Variants in WSCD1 observed in about 807,000 individuals in gnomAD.
WSCD1 encodes the protein sialate:O-sulfotransferase 1.
Under a neutral mutation model 60.4 loss-of-function variants are expected in WSCD1, and 41 were observed. The ratio of observed to expected loss-of-function variants is 0.68; its 90% CI spans 0.53 to 0.88. The LOEUF (loss-of-function observed/expected upper bound fraction) is 0.88, where lower values mean the gene tolerates loss of function less well. Ranked by LOEUF, WSCD1 falls within the 40% of genes least tolerant of loss-of-function variation. The probability of loss-of-function intolerance (pLI) is 0.00; values close to 1 mark genes in which losing one functional copy is unlikely to be tolerated. For synonymous variants in WSCD1, 361 were observed against 332.5 expected (o/e 1.09, Z -0.93); for missense variants, 784 against 796.2 (o/e 0.98, Z 0.18).
intron 7 of WSCD1, among the ~76,000 whole-genome samples, chr17:6,111,722 AAAG>A (rs1327428618): frequency 2.6e-5 from 4 of 151,160 alleles, no homozygotes; most frequent in African/African-American, 7.3e-5. Flanking sequence ...AAAAAAAAAA[AAAG>A]AGCAAGGAAA....
intron 5 of WSCD1, among the ~76,000 whole-genome samples, chr17:6,096,278 C>G (rs1910420059): frequency 6.6e-6 from 1 of 152,108 alleles, no homozygotes; most frequent in Non-Finnish European, 1.5e-5. Context: ...TCAGGTAGCT[C>G]CATAGTCTGC....
At chr17:6,104,162 G>C (rs1910960031) in intron 5 of WSCD1, among the ~76,000 whole-genome samples, 1 of 152,066 alleles carries the variant, frequency 6.6e-6, no homozygotes, top group Non-Finnish European at 1.5e-5. Context: ...GAGGTGCCAG[G>C]CTCCTATAAA....
intron 5 of WSCD1, among the ~76,000 whole-genome samples, chr17:6,100,789 T>TA (rs979746021): frequency 1.3e-5 from 2 of 152,120 alleles, no homozygotes; most frequent in African/African-American, 4.8e-5. Flanking sequence ...CTCTGGAGGG[T>TA]AAAATCACCC....
chr17:6,116,300 G>A (rs1040242952), intron 7 of WSCD1, among the ~76,000 whole-genome samples: 2 of 152,126 alleles, frequency 1.3e-5, no homozygotes, highest in African/African-American at 4.8e-5. Context: ...AGGTTGGGTC[G>A]ACACTGCCTC....
intron 5 of WSCD1, among the ~76,000 whole-genome samples, chr17:6,105,251 A>G (rs572716110): frequency 8.5e-5 from 13 of 152,336 alleles, no homozygotes; most frequent in African/African-American, 2.9e-4. Context: ...CAGGATCAGG[A>G]TGAGGATGCA....
At chr17:6,074,497 T>A (rs956836271) in intron 1 of WSCD1, among the ~76,000 whole-genome samples, 1 of 152,196 alleles carries the variant, frequency 6.6e-6, no homozygotes. Flanking sequence ...TTGACAGGCC[T>A]ACAGGCTGGA....
intron 7 of WSCD1, 44 bp from the exon 8 acceptor site, chr17:6,117,944 A>G: frequency 1.3e-6 from 2 of 1,593,070 alleles, no homozygotes; most frequent in South Asian, 1.1e-5. Flanking sequence ...AGGGTGCCCC[A>G]TGGACACCAT....
At chr17:6,084,404 G>A (rs1909490143) in intron 2 of WSCD1, among the ~76,000 whole-genome samples, 1 of 152,228 alleles carries the variant, frequency 6.6e-6, no homozygotes, top group African/African-American at 2.4e-5. Flanking sequence ...CGGCCTCACT[G>A]GTGGAGAGTA....
rs1488422469 is a variant in WSCD1 at position 6,118,185 on chromosome 17, A to C, written c.1372A>C (p.Lys458Gln). ...TGCAGCTGACCGCAACTGGAAGAGCAAAGGTAATCAAGGACCTTGCGGTGG... is the reference window on the plus strand; with the variant it reads ...TGCAGCTGACCGCAACTGGAAGAGCCAAGGTAATCAAGGACCTTGCGGTGG... ...GYAADRNWKS[K>Q]EWPDFVNSYA... The change falls in exon 8 of 9, where the codon AAA (lysine) becomes CAA (glutamine). Residue 458 changes from lysine to glutamine, a missense_variant. By Grantham distance (53) the Lys-to-Gln change is moderately conservative (BLOSUM62 1). Coordinates refer to ENST00000317744, the MANE Select transcript of WSCD1 (RefSeq NM_015253.2). This position sits in a 1 kb window ranked among gnomAD's most constrained non-coding sequence, Gnocchi z 5.8. 3 of 1,614,044 alleles carry C rather than the reference A, an allele frequency of 1.9e-6. 1 individual carries two copies. In the South Asian group the frequency reaches 3.3e-5, roughly 18 times the overall value.
chr17:6,080,354 C>T lies in WSCD1; in HGVS notation c.-288-17C>T, dbSNP rs548337353. 5 of 429,860 alleles carry T rather than the reference C, an allele frequency of 1.2e-5. No homozygotes were observed. The highest frequency in any genetic ancestry group is 2.1e-5 in the Non-Finnish European group (5 of 240,980). 26.6% of individuals were successfully genotyped at this position (429,860 alleles called of 1,614,324 possible). ...GACCCGCCTATTACATCTCGGTGCT[C>T]TTTCTCCACCTTCCAGATTTCTGCG... On this transcript the variant is annotated splice_polypyrimidine_tract_variant and intron_variant, in intron 1 of 8. Transcript: ENST00000317744. The surrounding 1 kb of genome is among the most constrained non-coding windows in gnomAD (Gnocchi z 6.6).
intron 7 of WSCD1, among the ~76,000 whole-genome samples, chr17:6,117,029 A>G (rs989097287): frequency 6.6e-5 from 10 of 152,176 alleles, no homozygotes; most frequent in African/African-American, 2.4e-4. Flanking sequence ...CACTTAGGCT[A>G]TTTCCTCTAC....
Position 6,110,946 on chromosome 17 carries a change from G to T in WSCD1, c.1174+11G>T. The T allele has an allele frequency of 6.3e-7, 1 of 1,582,190 alleles. No homozygotes were observed. Among genetic ancestry groups the T allele is most frequent in the Non-Finnish European group, 8.6e-7 (1 of 1,159,056 alleles). ...CCCTCTACAACAAAGGTAAGTCAAA[G>T]CTACAGGGGACGATGGAAGGCAGCT... On this transcript the variant is annotated intron_variant, in intron 7 of 8. Coordinates refer to ENST00000317744, the MANE Select transcript of WSCD1 (RefSeq NM_015253.2). This position sits in a 1 kb window ranked among gnomAD's most constrained non-coding sequence, Gnocchi z 4.8.
chr17:6,114,611 C>T (rs1014539904), intron 7 of WSCD1, among the ~76,000 whole-genome samples: 6 of 151,794 alleles, frequency 4.0e-5, no homozygotes, highest in Admixed American at 1.3e-4. Flanking sequence ...TCACATTGCA[C>T]CCCATAAAGA....
At chr17:6,108,377 T>G (rs1386848898) in intron 5 of WSCD1, among the ~76,000 whole-genome samples, 1 of 152,138 alleles carries the variant, frequency 6.6e-6, no homozygotes, top group Non-Finnish European at 1.5e-5. Flanking sequence ...GCACACACAC[T>G]CACAGATTAC....
In WSCD1 at chr17:6,124,158, T is replaced by C. The variant is rs1200016107; in HGVS notation, c.*3497T>C. 1 of 152,252 alleles carries C rather than the reference T, an allele frequency of 6.6e-6. No homozygotes were observed. The highest frequency in any genetic ancestry group is 1.5e-5 in the Non-Finnish European group (1 of 68,046). The allele number at this position is 152,252 out of a possible 1,614,324, so 9.4% of individuals were successfully genotyped here. ...AAGCCAGAGGGAATTTCAAGACTTA[T>C]GGGAATGCTGGGTAGAAGCTGTTTT... On this transcript the variant is annotated 3_prime_UTR_variant, in exon 9 of 9. Coordinates refer to ENST00000317744, the MANE Select transcript of WSCD1 (RefSeq NM_015253.2).
At chr17:6,085,874 C>T (rs1909603704) in intron 2 of WSCD1, among the ~76,000 whole-genome samples, 1 of 152,132 alleles carries the variant, frequency 6.6e-6, no homozygotes, top group Non-Finnish European at 1.5e-5. Context: ...GTGCAGTGGT[C>T]CGTGCTGGTG....
intron 1 of WSCD1, chr17:6,077,954 T>C (rs1253975297): frequency 1.3e-5 from 2 of 152,250 alleles, no homozygotes; most frequent in Non-Finnish European, 2.9e-5. Flanking sequence ...CCAGGCACTC[T>C]TGTTAACTCC....
intron 7 of WSCD1, among the ~76,000 whole-genome samples, chr17:6,113,576 G>A (rs960324706): frequency 1.3e-5 from 2 of 152,158 alleles, no homozygotes; most frequent in African/African-American, 4.8e-5. Flanking sequence ...CAGAATGGGA[G>A]AAAATATTGG....
chr17:6,081,219 C>A (rs908482455), intron 2 of WSCD1, 134 bp downstream of exon 2: 1 of 1,129,414 alleles, frequency 8.9e-7, no homozygotes, highest in Non-Finnish European at 1.2e-6. Context: ...CTCTGCAGGA[C>A]AGGAAGGGGC....
Sources: gnomAD v4.1 joint callset for allele counts (sites outside exome capture counted in the v4.1 genomes callset) on GRCh38, gnomAD v4.1.1 for gene constraint, Gnocchi (gnomAD v3.1) non-coding constraint, MANE v1.5 for transcripts, NCBI Gene and HGNC (gene_info 2026-07-23, HGNC 2026-07-21) for gene names.